Variants in HELLS observed in about 807,000 individuals in gnomAD.
HELLS encodes the protein lymphoid-specific helicase.
Under a neutral mutation model 120.0 loss-of-function variants are expected in HELLS, and 32 were observed. That is an observed-to-expected ratio of 0.27 (90% confidence interval 0.20 to 0.36). The LOEUF is 0.36. Among genes scored for constraint, HELLS ranks in the 10% least tolerant of loss-of-function variants. The probability of loss-of-function intolerance (pLI) is 1.00; values close to 1 mark genes in which losing one functional copy is unlikely to be tolerated. For synonymous variants in HELLS, 341 were observed against 323.4 expected (o/e 1.05, Z -0.58); for missense variants, 650 against 993.4 (o/e 0.65, Z 4.65).
At chr10:94,600,643 C>T (rs1464795006) in intron 21 of HELLS, among the ~76,000 whole-genome samples, 4 of 152,136 alleles carry the variant, frequency 2.6e-5, no homozygotes, top group Non-Finnish European at 5.9e-5. Flanking sequence ...AACTTAGATT[C>T]TCCTCTCCTC....
At chr10:94,567,905 G>GTT (rs34881072) in intron 6 of HELLS, among the ~76,000 whole-genome samples, 3,551 of 129,864 alleles carry the variant, frequency 0.027, 129 homozygotes, top group African/African-American at 0.085. Flanking sequence ...TGAAACCCTG[G>GTT]TTTTTTTTTT....
At chr10:94,597,435 C>G (rs1358395802) in intron 21 of HELLS, among the ~76,000 whole-genome samples, 3 of 152,178 alleles carry the variant, frequency 2.0e-5, no homozygotes, top group African/African-American at 7.2e-5. Context: ...CACATCGTAT[C>G]TGGATTTCTT....
chr10:94,577,634 T>C (rs1844563537), intron 10 of HELLS: 1 of 152,338 alleles, frequency 6.6e-6, no homozygotes, highest in South Asian at 2.1e-4. Flanking sequence ...CATTAAAAAG[T>C]ATTTAAACCA....
chr10:94,578,070 CAAAAAAAAAAAAA>C lies in HELLS; in HGVS notation c.1032+1280_1032+1292del, dbSNP rs58732872. On this transcript the variant is annotated intron_variant, in intron 10 of 21. Transcript: ENST00000348459. Reference sequence around the variant, plus strand: ...GGGCCGACAGAGCGAGACTCCGTCTCAAAAAAAAAAAAAAAAAAAAAAAAAAATACAAAAATTA... The same window carrying C: ...GGGCCGACAGAGCGAGACTCCGTCTCAAAAAAAAAAAAAATACAAAAATTA... Among the ~76,000 whole-genome samples, 9 of 60,856 alleles carry C rather than the reference CAAAAAAAAAAAAA, an allele frequency of 1.5e-4. No homozygotes were observed. In the South Asian group the frequency reaches 1.9e-3, roughly 13 times the overall value. The allele number at this position is 60,856 out of a possible 152,430, so 39.9% of individuals were successfully genotyped here.
Position 94,607,823 on chromosome 10 carries a change from G to T in HELLS, c.818-87G>T, listed in dbSNP as rs116921552. On this transcript the variant is annotated intron_variant, in intron 8 of 9. Transcript: ENST00000371327. ...CACTGCAGCCTCTGCCTCCGAGCGG[G>T]GTCCAGCGATTCTCCTGCATCAGCC... 218 of 282,078 alleles carry T rather than the reference G, an allele frequency of 7.7e-4. 4 individuals are homozygous for T. In the East Asian group the frequency reaches 0.025, roughly 32 times the overall value. The allele number at this position is 282,078 out of a possible 1,614,324, so 17.5% of individuals were successfully genotyped here.
intron 6 of HELLS, among the ~76,000 whole-genome samples, chr10:94,567,047 C>G (rs1296238808): frequency 6.6e-6 from 1 of 152,134 alleles, no homozygotes; most frequent in Non-Finnish European, 1.5e-5. Context: ...TAACTAAATT[C>G]TTTCCATTGT....
chr10:94,588,651 G>T (rs150290262), intron 13 of HELLS, among the ~76,000 whole-genome samples: 2,444 of 152,242 alleles, frequency 0.016, 37 homozygotes, highest in Middle Eastern at 0.031. Flanking sequence ...AAAGTGCTGG[G>T]ATTCCAGGTT....
downstream of HELLS, among the ~76,000 whole-genome samples, chr10:94,603,539 C>T (rs1846089922): frequency 1.3e-5 from 2 of 152,162 alleles, no homozygotes; most frequent in Non-Finnish European, 2.9e-5. Flanking sequence ...GTCTTCATTT[C>T]TTTAATGGGA....
chr10:94,560,924 C>T (rs745971955), intron 4 of HELLS, among the ~76,000 whole-genome samples: 14 of 151,626 alleles, frequency 9.2e-5, no homozygotes, highest in Non-Finnish European at 1.3e-4. Flanking sequence ...GGCATGATGG[C>T]GGGTACCTGT....
downstream of HELLS, among the ~76,000 whole-genome samples, chr10:94,604,503 T>C (rs1304666683): frequency 7.1e-6 from 1 of 140,996 alleles, no homozygotes; most frequent in Non-Finnish European, 1.5e-5. Flanking sequence ...TTCCCCTTAG[T>C]TTAGTGTTTT....
intron 2 of HELLS, 127 bp from the exon 3 acceptor site, chr10:94,553,999 C>T (rs1314664418): frequency 5.6e-6 from 4 of 714,548 alleles, no homozygotes; most frequent in Non-Finnish European, 9.0e-6. Context: ...TTATTTGTTC[C>T]AGTTTTTGGT....
rs1440748520 is a variant in HELLS at position 94,573,987 on chromosome 10, T to G, written c.505T>G (p.Cys169Gly). The change falls in exon 8 of 22, where the codon TGT becomes GGT. Residue 169 changes from cysteine to glycine, a missense_variant. Cys to Gly is a radical substitution (Grantham distance 159, BLOSUM62 -3). Around this residue, in one of 9 missense-constraint regions of HELLS, gnomAD observed 113 missense variants for 120.7 expected, o/e 0.94. Transcript: ENST00000348459. ...TGAAAACTCCTCCTCTACTAATCTC[T>G]GTGTGGAAGATCTTCAGAAAAATAA... is the stretch of plus-strand genomic sequence containing the variant. ...EDENSSSTNL[C>G]VEDLQKNKDS... 1 of 1,608,838 alleles carries G rather than the reference T, an allele frequency of 6.2e-7. No homozygotes were observed. Among genetic ancestry groups the G allele is most frequent in the South Asian group, 1.1e-5 (1 of 90,906 alleles).
At chr10:94,576,827 T>G (rs762336526) in intron 10 of HELLS, 22 bp downstream of exon 10, 1 of 1,562,762 alleles carries the variant, frequency 6.4e-7, no homozygotes, top group South Asian at 1.2e-5. Flanking sequence ...CTTCATTGGT[T>G]TCTTTGTAAT....
chr10:94,547,992 G>C lies in HELLS; in HGVS notation c.153+1494G>C, dbSNP rs564223267. On this transcript the variant is annotated intron_variant, in intron 2 of 21. Coordinates refer to ENST00000348459, the MANE Select transcript of HELLS (RefSeq NM_018063.5). The stretch of plus-strand genomic sequence containing the variant: ...TAGATGTGAATTAACAGAATTGAGA[G>C]GTCTGACCTGAACCACCTTTTCTCA... Among the ~76,000 whole-genome samples the C allele has an allele frequency of 6.6e-5, 10 of 152,230 alleles. No homozygotes were observed. The South Asian group carries it at 2.1e-3, about 32-fold the overall frequency.
rs571645229 is a variant in HELLS at position 94,567,408 on chromosome 10, C to G, written c.436-3980C>G. ...CCGGCTCCCAGGTTCAAGCGATTCT[C>G]CTGCCTCAGCCTTCCGAGTAGCTAG... On this transcript the variant is annotated intron_variant, in intron 6 of 21. Coordinates refer to ENST00000348459, the MANE Select transcript of HELLS (RefSeq NM_018063.5). Among the ~76,000 whole-genome samples the G allele has an allele frequency of 3.3e-5, 5 of 152,236 alleles. No homozygotes were observed. The South Asian group carries it at 1.0e-3, about 32-fold the overall frequency.
At chr10:94,599,055 T>A (rs1845893875) in intron 21 of HELLS, among the ~76,000 whole-genome samples, 1 of 152,220 alleles carries the variant, frequency 6.6e-6, no homozygotes, top group Admixed American at 6.5e-5. Context: ...CTGATTTAAT[T>A]AAGGTAGCTT....
At chr10:94,596,486 G>T (rs1434211625) in intron 19 of HELLS, among the ~76,000 whole-genome samples, 1 of 151,980 alleles carries the variant, frequency 6.6e-6, no homozygotes, top group Admixed American at 6.6e-5. Flanking sequence ...GTTTTTAGTA[G>T]AATTTTTTTC....
At chr10:94,606,381 T>C (rs1220114001), downstream of HELLS, among the ~76,000 whole-genome samples, 2 of 152,124 alleles carry the variant, frequency 1.3e-5, no homozygotes, top group Admixed American at 6.5e-5. Flanking sequence ...GTCTTGCTGT[T>C]GTCCAGGTTG....
chr10:94,585,668 G>C (rs940174551), intron 12 of HELLS, among the ~76,000 whole-genome samples: 1 of 151,714 alleles, frequency 6.6e-6, no homozygotes, highest in Non-Finnish European at 1.5e-5. Context: ...ACAGGTGTGA[G>C]CCACTGCACC....
Sources: allele counts gnomAD v4.1 joint callset (sites outside exome capture counted in the v4.1 genomes callset), GRCh38; gene constraint gnomAD v4.1.1; regional missense constraint gnomAD v4.1.1; transcripts MANE v1.5; gene names NCBI Gene and HGNC (gene_info 2026-07-23, HGNC 2026-07-21).